The following IP6K1 variants were observed in gnomAD, a reference collection of about 807,000 sequenced individuals.
The protein encoded by IP6K1 is ATP:1D-myo-inositol-hexakisphosphate phosphotransferase.
Under a neutral mutation model 38.3 loss-of-function variants are expected in IP6K1, and 13 were observed. The ratio of observed to expected loss-of-function variants is 0.34; its 90% CI spans 0.22 to 0.54. IP6K1 has a LOEUF of 0.54. IP6K1 is among the 20% of genes least tolerant of loss of function. The pLI is 0.92. For synonymous variants in IP6K1, 212 were observed against 229.9 expected, an observed-to-expected ratio of 0.92 and a Z score of 0.70; for missense variants, 397 against 599.8, an observed-to-expected ratio of 0.66 and a Z score of 3.53.
chr3:49,736,992 T>C (rs561274207), intron 3 of IP6K1, among the ~76,000 whole-genome samples: 6 of 151,872 alleles, frequency 4.0e-5, no homozygotes, highest in Non-Finnish European at 7.4e-5. Flanking sequence ...CAGGATGGTC[T>C]CGATCTCCTG....
intron 1 of IP6K1, chr3:49,785,663 TACTC>T (rs1181753093): frequency 6.6e-6 from 1 of 152,238 alleles, no homozygotes; most frequent in Non-Finnish European, 1.5e-5. Context: ...ATCACCATAA[TACTC>T]ACTTTCTCCT....
intron 1 of IP6K1, among the ~76,000 whole-genome samples, chr3:49,772,224 A>AATAT (rs368746245): frequency 0.011 from 1,503 of 142,930 alleles, 28 homozygotes; most frequent in African/African-American, 0.035. Flanking sequence ...TAAAAAAAAA[A>AATAT]ATATATATAT....
At chr3:49,730,395 C>G (rs897179060) in intron 4 of IP6K1, among the ~76,000 whole-genome samples, 7 of 152,176 alleles carry the variant, frequency 4.6e-5, no homozygotes, top group Non-Finnish European at 1.0e-4. Flanking sequence ...TGGATACATC[C>G]CTCACCATCA....
intron 1 of IP6K1, among the ~76,000 whole-genome samples, chr3:49,777,092 C>T (rs2081023101): frequency 6.6e-6 from 1 of 152,082 alleles, no homozygotes; most frequent in African/African-American, 2.4e-5. Flanking sequence ...AAGAATCAGT[C>T]CATTGTGGTG....
intron 2 of IP6K1, among the ~76,000 whole-genome samples, chr3:49,743,194 T>C (rs2080686683): frequency 6.6e-6 from 1 of 150,830 alleles, no homozygotes; most frequent in Admixed American, 6.6e-5. Flanking sequence ...CACTCTAGCC[T>C]AGGCAATGAA....
At position 49,748,152 on chromosome 3, in the gene IP6K1, C is replaced by A; in HGVS notation, c.-112G>T. ...TGAAAGCCAATGGTCAGATTCTATTCAGCTTATTATTCTGTCCTACAGAAA... is the reference window on the plus strand; with the variant it reads ...TGAAAGCCAATGGTCAGATTCTATTAAGCTTATTATTCTGTCCTACAGAAA... On this transcript the variant is annotated 5_prime_UTR_variant, in exon 2 of 6. Coordinates refer to ENST00000321599, the MANE Select transcript of IP6K1 (RefSeq NM_153273.4). 9.4e-7 allele frequency: 1 copy of A among 1,066,412 alleles called. No homozygotes were observed. Among genetic ancestry groups the A allele is most frequent in the Non-Finnish European group, 1.4e-6 (1 of 714,430 alleles). The allele number at this position is 1,066,412 out of a possible 1,614,324, so 66.1% of individuals were successfully genotyped here. A position where few individuals can be genotyped will look rare whatever the true frequency, so the allele number is the denominator to read the frequency against.
At chr3:49,759,442 TCCAAGGA>T (rs2080850325) in intron 1 of IP6K1, among the ~76,000 whole-genome samples, 1 of 152,160 alleles carries the variant, frequency 6.6e-6, no homozygotes, top group Admixed American at 6.6e-5. Context: ...AGTTCTCTCC[TCCAAGGA>T]CCAAGTTCCT....
At position 49,730,722 on chromosome 3, in the gene IP6K1, A is replaced by AT. The variant is rs914598178; in HGVS notation, c.616+2068dup. On this transcript the variant is annotated intron_variant, in intron 4 of 5. Coordinates refer to ENST00000321599, the MANE Select transcript of IP6K1 (RefSeq NM_153273.4). Reference sequence around the variant, plus strand: ...CCACCATGCCCGACTAATTTTTTGTATTTTTTTTTTTGAGATGGAGTTTCA... The same window carrying AT: ...CCACCATGCCCGACTAATTTTTTGTATTTTTTTTTTTTGAGATGGAGTTTCA... Among the ~76,000 whole-genome samples, 312 of 146,112 alleles carry AT rather than the reference A, an allele frequency of 2.1e-3. 3 individuals carry two copies. The highest frequency in any genetic ancestry group is 6.4e-3 in the African/African-American group (257 of 39,938).
At chr3:49,741,874 C>T (rs1029691337) in intron 2 of IP6K1, among the ~76,000 whole-genome samples, 1 of 152,168 alleles carries the variant, frequency 6.6e-6, no homozygotes, top group Non-Finnish European at 1.5e-5. Context: ...CAATTTAGAA[C>T]TTCAAGGTGC....
chr3:49,778,682 G>A (rs2081039687), intron 1 of IP6K1, among the ~76,000 whole-genome samples: 1 of 152,026 alleles, frequency 6.6e-6, no homozygotes, highest in Non-Finnish European at 1.5e-5. Context: ...CTGGAGTGCA[G>A]TGGCCCAACC....
chr3:49,773,978 A>G (rs1005525289), intron 1 of IP6K1, among the ~76,000 whole-genome samples: 1 of 112,326 alleles, frequency 8.9e-6, no homozygotes, highest in Non-Finnish European at 1.9e-5. Flanking sequence ...GACTCTCTCT[A>G]AAACACACAC....
At chr3:49,742,172 T>C (rs888032949) in intron 2 of IP6K1, among the ~76,000 whole-genome samples, 4 of 152,240 alleles carry the variant, frequency 2.6e-5, no homozygotes, top group Non-Finnish European at 2.9e-5. Flanking sequence ...AAAGAATAAA[T>C]ATGCTAGCTC....
intron 4 of IP6K1, among the ~76,000 whole-genome samples, chr3:49,731,483 T>C (rs1433938801): frequency 1.3e-5 from 2 of 152,148 alleles, no homozygotes; most frequent in Non-Finnish European, 2.9e-5. Context: ...TGCAGAAATA[T>C]CTCAACACCC....
chr3:49,746,168 G>T (rs2080719484), intron 2 of IP6K1, among the ~76,000 whole-genome samples: 1 of 151,960 alleles, frequency 6.6e-6, no homozygotes, highest in East Asian at 2.0e-4. Context: ...GGTAAACAAA[G>T]AACTTCCACA....
intron 1 of IP6K1, among the ~76,000 whole-genome samples, chr3:49,777,870 G>A (rs547643039): frequency 1.1e-4 from 16 of 152,106 alleles, no homozygotes; most frequent in East Asian, 3.9e-4. Flanking sequence ...AGCTGAGATC[G>A]CGCCACGCAC....
chr3:49,733,089 T>A, intron 3 of IP6K1, 117 bp from the exon 4 acceptor site: 1 of 664,386 alleles, frequency 1.5e-6, no homozygotes, highest in Non-Finnish European at 2.5e-6. Context: ...TGCTAATGGG[T>A]TGCATTAAGG....
intron 1 of IP6K1, among the ~76,000 whole-genome samples, chr3:49,762,354 C>T (rs1042008451): frequency 6.6e-6 from 1 of 152,122 alleles, no homozygotes; most frequent in African/African-American, 2.4e-5. Context: ...CCAACCTGGC[C>T]AACATGGTGA....
intron 2 of IP6K1, among the ~76,000 whole-genome samples, chr3:49,742,266 T>C (rs897853265): frequency 1.3e-5 from 2 of 152,232 alleles, no homozygotes; most frequent in Non-Finnish European, 2.9e-5. Flanking sequence ...AATAGAAGCA[T>C]AGGCTGGGCA....
At chr3:49,741,350 C>G (rs1289578001) in intron 2 of IP6K1, among the ~76,000 whole-genome samples, 1 of 152,110 alleles carries the variant, frequency 6.6e-6, no homozygotes, top group Non-Finnish European at 1.5e-5. Context: ...TATAGCCATA[C>G]TAGGTAAAAT....
Sources: gnomAD v4.1 joint callset for allele counts (sites outside exome capture counted in the v4.1 genomes callset) on GRCh38, gnomAD v4.1.1 for gene constraint, MANE v1.5 for transcripts, NCBI Gene and HGNC (gene_info 2026-07-23, HGNC 2026-07-21) for gene names.